UBA5: variants seen among roughly 807,000 people sequenced by gnomAD.
UBA5 encodes the protein ubiquitin-like modifier-activating enzyme 5.
A neutral mutation model predicts 52.9 loss-of-function variants in UBA5; 28 were observed. That is an observed-to-expected ratio of 0.53 (90% CI 0.39 to 0.73). The LOEUF (loss-of-function observed/expected upper bound fraction) is 0.73. UBA5 is among the 30% of genes least tolerant of loss of function. The pLI is 0.00. For missense variants in UBA5, 388 were observed against 492.7 expected (o/e 0.79, Z 2.01); for synonymous variants, 135 against 162.1 (o/e 0.83, Z 1.27).
upstream of UBA5, among the ~76,000 whole-genome samples, chr3:132,658,958 AT>A (rs1937975056): frequency 6.6e-6 from 1 of 152,238 alleles, no homozygotes; most frequent in Admixed American, 6.5e-5. Context: ...TTTCTGAATG[AT>A]AGGACTCTTT....
upstream of UBA5, among the ~76,000 whole-genome samples, chr3:132,658,546 T>A (rs1576633159): frequency 6.6e-6 from 1 of 152,222 alleles, no homozygotes; most frequent in East Asian, 1.9e-4. Flanking sequence ...CCACAGCAAT[T>A]GAAATAGTTG....
chr3:132,662,172 A>G (rs1938197753), intron 1 of UBA5, among the ~76,000 whole-genome samples: 3 of 152,240 alleles, frequency 2.0e-5, no homozygotes, highest in South Asian at 4.1e-4. Context: ...AGTATTTTCT[A>G]TCTGATTTGC....
chr3:132,664,964 C>T (rs1938314142), intron 1 of UBA5, among the ~76,000 whole-genome samples: 1 of 151,952 alleles, frequency 6.6e-6, no homozygotes, highest in African/African-American at 2.4e-5. Context: ...TCAGGAGAAA[C>T]ATACTTATTA....
chr3:132,668,622 A>C (rs894085999), intron 3 of UBA5, 196 bp from the exon 4 acceptor site: 1 of 368,526 alleles, frequency 2.7e-6, no homozygotes, highest in Non-Finnish European at 4.9e-6. Context: ...GCCTCATTTT[A>C]AAAATAAGGA....
At chr3:132,659,961 C>G (rs1271860166), upstream of UBA5, 3 of 520,792 alleles carry the variant, frequency 5.8e-6, no homozygotes, top group Non-Finnish European at 9.8e-6. Flanking sequence ...CCAAAAGAGC[C>G]CAATGTGTGT....
chr3:132,670,596 T>C (rs1025627426), intron 5 of UBA5: 7 of 228,194 alleles, frequency 3.1e-5, no homozygotes, highest in Non-Finnish European at 5.8e-5. Context: ...CTTCAGAGAC[T>C]GTCAGACCAC....
chr3:132,669,950 T>C (rs575396693), intron 4 of UBA5, among the ~76,000 whole-genome samples: 8 of 152,350 alleles, frequency 5.3e-5, no homozygotes, highest in Admixed American at 4.6e-4. Flanking sequence ...CTCTAAGGTA[T>C]GTTAAATGCC....
intron 3 of UBA5, 33 bp from the exon 4 acceptor site, chr3:132,668,785 T>G (rs770693243): frequency 7.8e-6 from 11 of 1,411,694 alleles, no homozygotes; most frequent in Admixed American, 6.1e-5. Context: ...TTTTGGTATG[T>G]TTTTCATCAG....
chr3:132,678,265 A>G lies in UBA5; in HGVS notation c.*1739A>G, dbSNP rs1046076688. ...AACCAGAAAAAAAATCTGGTAATAG[A>G]GATGTTGCTATCCTAGAATACTCTC... On this transcript the variant is annotated 3_prime_UTR_variant, in exon 12 of 12. Coordinates refer to ENST00000356232, the MANE Select transcript of UBA5 (RefSeq NM_024818.6). 1.3e-5 allele frequency among the ~76,000 whole-genome samples: 2 copies of G among 152,344 alleles called. No homozygotes were observed. Among genetic ancestry groups the G allele is most frequent in the East Asian group, 3.9e-4 (2 of 5,190 alleles).
intron 3 of UBA5, among the ~76,000 whole-genome samples, chr3:132,666,787 A>C (rs974315966): frequency 9.9e-5 from 15 of 152,172 alleles, no homozygotes; most frequent in Admixed American, 8.5e-4. Context: ...TATAGAAATA[A>C]CACCACCAAA....
At chr3:132,658,790 C>G (rs147355833), upstream of UBA5, among the ~76,000 whole-genome samples, 2 of 152,122 alleles carry the variant, frequency 1.3e-5, no homozygotes, top group Admixed American at 1.3e-4. Context: ...ACCACTAGCA[C>G]ACTATGTTGT....
intron 5 of UBA5, chr3:132,670,642 T>A (rs1938560479): frequency 4.4e-6 from 1 of 228,176 alleles, no homozygotes; most frequent in African/African-American, 2.3e-5. Context: ...TTAGCTTTTA[T>A]TACATTTGTA....
intron 8 of UBA5, among the ~76,000 whole-genome samples, chr3:132,673,704 C>G (rs1938706146): frequency 6.6e-6 from 1 of 151,260 alleles, no homozygotes; most frequent in African/African-American, 2.4e-5. Flanking sequence ...ACTCTGTCAC[C>G]CAGGCTGGAG....
chr3:132,676,670 AC>A lies in UBA5; in HGVS notation c.*145del. ...TGTTATACTTTTTGAAAATCCTGTG[AC>A]TTGCCTGTTTCTCCCCGCTCCAACG... On this transcript the variant is annotated 3_prime_UTR_variant, in exon 12 of 12. Transcript: ENST00000356232. The surrounding 1 kb of genome is among the most constrained non-coding windows in gnomAD (Gnocchi z 4.1). 1 of 641,962 alleles carries A rather than the reference AC, an allele frequency of 1.6e-6. No homozygotes were observed. The allele number at this position is 641,962 out of a possible 1,614,324, so 39.8% of individuals were successfully genotyped here. A position where few individuals can be genotyped will look rare whatever the true frequency, so the allele number is the denominator to read the frequency against.
upstream of UBA5, among the ~76,000 whole-genome samples, chr3:132,656,308 A>G (rs1473198556): frequency 6.6e-6 from 1 of 152,116 alleles, no homozygotes; most frequent in African/African-American, 2.4e-5. Context: ...GTCCCCTTAT[A>G]CTGTAGTACA....
In UBA5 at chr3:132,671,740, A is replaced by G; in HGVS notation, c.580-37A>G. ...ATTGTAAATTACTTCTTGCTCTTTT[A>G]TTTTTTTTCCTTATGTTTTCACCCA... On this transcript the variant is annotated intron_variant, in intron 6 of 11. Coordinates refer to ENST00000356232, the MANE Select transcript of UBA5 (RefSeq NM_024818.6). The G allele has an allele frequency of 2.1e-6, 3 of 1,444,046 alleles. No homozygotes were observed. The South Asian group carries it at 4.2e-5, about 20-fold the overall frequency. The allele number at this position is 1,444,046 out of a possible 1,614,324, so 89.5% of individuals were successfully genotyped here. A position where few individuals can be genotyped will look rare whatever the true frequency, so the allele number is the denominator to read the frequency against.
chr3:132,659,524 G>T, upstream of UBA5: 1 of 1,588,896 alleles, frequency 6.3e-7, no homozygotes, highest in Non-Finnish European at 8.6e-7. Flanking sequence ...GAGAAACTTA[G>T]GAAACCACCC....
In UBA5 at chr3:132,679,126, G is replaced by C. The variant is rs1289772579; in HGVS notation, c.*2600G>C. On this transcript the variant is annotated 3_prime_UTR_variant, in exon 12 of 12. Transcript: ENST00000356232. ...CTACTAAAAATACAAAAATTAGCCG[G>C]GCGTGGTGGTGCGTGACTGTAATCC... Among the ~76,000 whole-genome samples, 1 of 151,762 alleles carries C rather than the reference G, an allele frequency of 6.6e-6. No individual in the cohort carries two copies. The highest frequency in any genetic ancestry group is 1.5e-5 in the Non-Finnish European group (1 of 67,938).
chr3:132,676,581 TAAAA>T lies in UBA5; in HGVS notation c.*61_*64del. 7.4e-7 allele frequency: 1 copy of T among 1,347,800 alleles called. No individual in the cohort carries two copies. The highest frequency in any genetic ancestry group is 1.3e-5 in the South Asian group (1 of 77,822). The allele number at this position is 1,347,800 out of a possible 1,614,324, so 83.5% of individuals were successfully genotyped here. A position where few individuals can be genotyped will look rare whatever the true frequency, so the allele number is the denominator to read the frequency against. On this transcript the variant is annotated 3_prime_UTR_variant, in exon 12 of 12. Coordinates refer to ENST00000356232, the MANE Select transcript of UBA5 (RefSeq NM_024818.6). This position sits in a 1 kb window ranked among gnomAD's most constrained non-coding sequence, Gnocchi z 4.1. ...ATGTTAAAGCCTCTTCCCTTGAAAT[TAAAA>T]AAAAATTTTAACTGATAAAACTTAG... is the stretch of plus-strand genomic sequence containing the variant.
Sources: allele counts gnomAD v4.1 joint callset (sites outside exome capture counted in the v4.1 genomes callset), GRCh38; gene constraint gnomAD v4.1.1; non-coding constraint Gnocchi (gnomAD v3.1); transcripts MANE v1.5; gene names NCBI Gene and HGNC (gene_info 2026-07-23, HGNC 2026-07-21).